Variants in CFAP77 observed in about 807,000 individuals in gnomAD.
The protein encoded by CFAP77 is cilia- and flagella-associated protein 77.
A neutral mutation model predicts 31.1 loss-of-function variants in CFAP77; 25 were observed. That is an observed-to-expected ratio of 0.80 (90% CI 0.59 to 1.12). The LOEUF (loss-of-function observed/expected upper bound fraction) is 1.12. CFAP77 is among the 50% of genes most tolerant of loss of function. The pLI is 0.00. For missense variants in CFAP77, 377 were observed against 397.3 expected (o/e 0.95, Z 0.44); for synonymous variants, 151 against 159.9 (o/e 0.94, Z 0.42).
At chr9:132,493,595 C>T (rs1453527635) in intron 1 of CFAP77, among the ~76,000 whole-genome samples, 1 of 152,164 alleles carries the variant, frequency 6.6e-6, no homozygotes, top group African/African-American at 2.4e-5. Context: ...GAAGGGTACA[C>T]GTTGGGTCAA....
chr9:132,519,772 GTGGATAGA>G (rs1852233132), intron 3 of CFAP77, among the ~76,000 whole-genome samples: 1 of 123,740 alleles, frequency 8.1e-6, no homozygotes, highest in African/African-American at 3.1e-5. Flanking sequence ...GGATGGATGG[GTGGATAGA>G]TGGATGGATG....
intron 1 of CFAP77, among the ~76,000 whole-genome samples, chr9:132,433,071 A>T (rs1209424458): frequency 6.7e-6 from 1 of 150,060 alleles, no homozygotes; most frequent in Non-Finnish European, 1.5e-5. Context: ...CTGGTCTCAA[A>T]CCCCTGACTT....
chr9:132,480,188 C>T lies in CFAP77; in HGVS notation c.196-18507C>T, dbSNP rs570344231. Among the ~76,000 whole-genome samples, 44 of 152,324 alleles carry T rather than the reference C, an allele frequency of 2.9e-4. No individual in the cohort carries two copies. Among genetic ancestry groups the T allele is most frequent in the African/African-American group, 9.9e-4 (41 of 41,574 alleles). Reference sequence around the variant, plus strand: ...ACCGCCCTCCCCAGGAGCCACCAGACTCCCTCTTGCTCCTGGTCCCTGCCC... The same window carrying T: ...ACCGCCCTCCCCAGGAGCCACCAGATTCCCTCTTGCTCCTGGTCCCTGCCC... On this transcript the variant is annotated intron_variant, in intron 1 of 5. Coordinates refer to ENST00000393216, the MANE Select transcript of CFAP77 (RefSeq NM_001282957.2). The surrounding 1 kb of genome is among the most constrained non-coding windows in gnomAD (Gnocchi z 5.8).
Position 132,498,846 on chromosome 9 carries a change from C to A in CFAP77, c.295+52C>A, listed in dbSNP as rs1190753146. Reference sequence around the variant, plus strand: ...GGCAGAGGAGTGGGAGGGAGGCTCACCCCTCTTCACAGACCCCTTGACCTA... The same window carrying A: ...GGCAGAGGAGTGGGAGGGAGGCTCAACCCTCTTCACAGACCCCTTGACCTA... On this transcript the variant is annotated intron_variant, in intron 2 of 5. Transcript: ENST00000393216. This position sits in a 1 kb window ranked among gnomAD's most constrained non-coding sequence, Gnocchi z 4.2. 2 of 1,319,562 alleles carry A rather than the reference C, an allele frequency of 1.5e-6. No homozygotes were observed. The highest frequency in any genetic ancestry group is 2.4e-5 in the East Asian group (1 of 41,516). 81.7% of individuals were successfully genotyped at this position (1,319,562 alleles called of 1,614,324 possible).
chr9:132,488,284 C>T (rs948111168), intron 1 of CFAP77, among the ~76,000 whole-genome samples: 3 of 152,176 alleles, frequency 2.0e-5, no homozygotes, highest in African/African-American at 7.2e-5. Context: ...AAACCTGCCA[C>T]TTTGGAAGTG....
intron 5 of CFAP77, among the ~76,000 whole-genome samples, chr9:132,566,157 G>A (rs984668658): frequency 6.6e-6 from 1 of 152,194 alleles, no homozygotes. Flanking sequence ...CTCATGTGTG[G>A]CTGGGCTGCT....
chr9:132,438,520 TATATA>T (rs1564204045), intron 1 of CFAP77, among the ~76,000 whole-genome samples: 1 of 97,870 alleles, frequency 1.0e-5, no homozygotes, highest in Non-Finnish European at 2.0e-5. Flanking sequence ...ACAGATATGG[TATATA>T]TATATATATA....
chr9:132,563,149 C>T (rs1283842553), intron 5 of CFAP77, among the ~76,000 whole-genome samples: 2 of 151,968 alleles, frequency 1.3e-5, no homozygotes, highest in Non-Finnish European at 2.9e-5. Context: ...CTCCTGAGTA[C>T]CTGGGACCAC....
chr9:132,471,835 G>A (rs927448712), intron 1 of CFAP77, among the ~76,000 whole-genome samples: 24 of 152,200 alleles, frequency 1.6e-4, no homozygotes, highest in African/African-American at 5.8e-4. Flanking sequence ...GGAATAGATA[G>A]GACTATAGGC....
rs111664274 is a variant in CFAP77 at position 132,420,498 on chromosome 9, CA to C, written c.195+10047del. ...TAAAACCCTATCTCTACTAAAAATA[CA>C]AAAAAAAAAAAAAATTCTGGGCATG... On this transcript the variant is annotated intron_variant, in intron 1 of 5. Transcript: ENST00000393216. 8.9e-3 allele frequency among the ~76,000 whole-genome samples: 1,124 copies of C among 126,444 alleles called. 5 individuals are homozygous for C. Among genetic ancestry groups the C allele is most frequent in the East Asian group, 0.012 (52 of 4,370 alleles). 83.0% of individuals were successfully genotyped at this position (126,444 alleles called of 152,430 possible). A position where few individuals can be genotyped will look rare whatever the true frequency, so the allele number is the denominator to read the frequency against.
At position 132,564,508 on chromosome 9, in the gene CFAP77, CA is replaced by C. The variant is rs1239527330; in HGVS notation, c.733-7879del. ...TTAGCGATCAAAGGAGAAATCCAAA[CA>C]GAAATTAGATAGAAATTAGATTAAA... On this transcript the variant is annotated intron_variant, in intron 5 of 5. Transcript: ENST00000393216. This position sits in a 1 kb window ranked among gnomAD's most constrained non-coding sequence, Gnocchi z 4.6. 6.6e-6 allele frequency among the ~76,000 whole-genome samples: 1 copy of C among 152,016 alleles called. No homozygotes were observed. Among genetic ancestry groups the C allele is most frequent in the African/African-American group, 2.4e-5 (1 of 41,378 alleles).
intron 1 of CFAP77, among the ~76,000 whole-genome samples, chr9:132,486,080 A>ATTT (rs1851548472): frequency 5.6e-5 from 1 of 17,936 alleles, no homozygotes; most frequent in Non-Finnish European, 8.6e-5. Flanking sequence ...ATATATATAT[A>ATTT]TATATATATA....
At chr9:132,473,398 AGCTGGGGAGACTGAG>A (rs1851293652) in intron 1 of CFAP77, among the ~76,000 whole-genome samples, 1 of 152,156 alleles carries the variant, frequency 6.6e-6, no homozygotes, top group Non-Finnish European at 1.5e-5. Flanking sequence ...CCTATTTTAC[AGCTGGGGAGACTGAG>A]GCAAAGAACA....
chr9:132,446,762 AAAAAG>A (rs1850727874), intron 1 of CFAP77, among the ~76,000 whole-genome samples: 1 of 150,262 alleles, frequency 6.7e-6, no homozygotes, highest in Non-Finnish European at 1.5e-5. Context: ...AAAAAAAAAA[AAAAAG>A]ATAACATGTG....
At chr9:132,532,516 T>C (rs901290220) in intron 3 of CFAP77, among the ~76,000 whole-genome samples, 1 of 152,150 alleles carries the variant, frequency 6.6e-6, no homozygotes, top group Non-Finnish European at 1.5e-5. Flanking sequence ...CAGGAAGTTG[T>C]TTTTTGAATG....
intron 3 of CFAP77, among the ~76,000 whole-genome samples, chr9:132,534,610 C>CAAAAA (rs201151199): frequency 1.6e-5 from 1 of 64,112 alleles, no homozygotes; most frequent in Non-Finnish European, 3.4e-5. Flanking sequence ...GACTCTGTCT[C>CAAAAA]AAAAAAAAAA....
rs748849668 is a variant in CFAP77, at chr9:132,511,560, A to T, written c.524+11960A>T. Among the ~76,000 whole-genome samples, 15 of 152,212 alleles carry T rather than the reference A, an allele frequency of 9.9e-5. No homozygotes were observed. Among genetic ancestry groups the T allele is most frequent in the Non-Finnish European group, 1.8e-4 (12 of 68,038 alleles). On this transcript the variant is annotated intron_variant, in intron 3 of 5. Transcript: ENST00000393216. This position sits in a 1 kb window ranked among gnomAD's most constrained non-coding sequence, Gnocchi z 5.8. The stretch of plus-strand genomic sequence containing the variant: ...TTGTTGACTGACTGCGTGAGAGGGA[A>T]CAGATTGCTCAAATGCAGTGCGTCC...
chr9:132,532,953 C>T (rs536464746), intron 3 of CFAP77, among the ~76,000 whole-genome samples: 4 of 152,222 alleles, frequency 2.6e-5, no homozygotes, highest in East Asian at 1.9e-4. Flanking sequence ...CTTGGGAGGC[C>T]GAGAATATCA....
At chr9:132,506,716 G>A (rs755755816) in intron 3 of CFAP77, among the ~76,000 whole-genome samples, 4 of 152,130 alleles carry the variant, frequency 2.6e-5, no homozygotes, top group East Asian at 3.9e-4. Flanking sequence ...AGACACTGCC[G>A]AGGTCCTCAG....
Sources: allele counts gnomAD v4.1 joint callset (sites outside exome capture counted in the v4.1 genomes callset), GRCh38; gene constraint gnomAD v4.1.1; non-coding constraint Gnocchi (gnomAD v3.1); transcripts MANE v1.5; gene names NCBI Gene and HGNC (gene_info 2026-07-23, HGNC 2026-07-21).